The following RBFOX1 variants were observed in gnomAD, a reference collection of about 807,000 sequenced individuals.
RBFOX1 encodes the protein RNA binding fox-1 homolog 1.
Under a neutral mutation model 57.7 loss-of-function variants are expected in RBFOX1, and 8 were observed. That is an observed-to-expected ratio of 0.14 (90% CI 0.08 to 0.25). The LOEUF is 0.25. Among genes scored for constraint, RBFOX1 ranks in the 10% least tolerant of loss-of-function variants. The pLI is 1.00. For synonymous variants in RBFOX1, 326 were observed against 222.4 expected, an observed-to-expected ratio of 1.47 and a Z score of -4.15; for missense variants, 611 against 548.5, an observed-to-expected ratio of 1.11 and a Z score of -1.14.
At position 6,083,048 on chromosome 16, in the gene RBFOX1, C is replaced by G. The variant is rs145957674; in HGVS notation, c.-127+63056C>G. On this transcript the variant is annotated intron_variant, in intron 1 of 15. Coordinates refer to ENST00000550418, the MANE Select transcript of RBFOX1 (RefSeq NM_018723.4). Reference sequence around the variant, plus strand: ...ATGGAGTCTTGCTCTGTCACCCAGGCTGGAGTGCAGTGGCATGATCTCGGC... The same window carrying G: ...ATGGAGTCTTGCTCTGTCACCCAGGGTGGAGTGCAGTGGCATGATCTCGGC... Among the ~76,000 whole-genome samples, 1,011 of 152,162 alleles carry G rather than the reference C, an allele frequency of 6.6e-3. 31 individuals are homozygous for G. The highest frequency in any genetic ancestry group is 0.042 in the Admixed American group (640 of 15,264).
At chr16:7,467,285 C>G (rs1376898617) in intron 4 of RBFOX1, among the ~76,000 whole-genome samples, 2 of 152,168 alleles carry the variant, frequency 1.3e-5, no homozygotes, top group African/African-American at 4.8e-5. Context: ...TAAAGACAGA[C>G]AGCTGCTGGG....
Position 7,295,138 on chromosome 16 carries a change from A to G in RBFOX1, c.28-223009A>G, listed in dbSNP as rs1247789120. Among the ~76,000 whole-genome samples, 2 of 152,216 alleles carry G rather than the reference A, an allele frequency of 1.3e-5. 1 individual carries two copies. Among genetic ancestry groups the G allele is most frequent in the Non-Finnish European group, 2.9e-5 (2 of 68,050 alleles). On this transcript the variant is annotated intron_variant, in intron 4 of 15. Coordinates refer to ENST00000550418, the MANE Select transcript of RBFOX1 (RefSeq NM_018723.4). ...ATACAGTTGGTGAAGATTTTAGTTG[A>G]CAAGGGTTAATGTGTAAGCTGGCAT...
intron 2 of RBFOX1, among the ~76,000 whole-genome samples, chr16:5,513,850 G>C (rs769283598): frequency 1.3e-5 from 2 of 152,060 alleles, no homozygotes; most frequent in African/African-American, 2.4e-5. Context: ...TGTGACATAA[G>C]TGAGTGGTGC....
chr16:6,584,297 A>G (rs1223635414), intron 2 of RBFOX1, among the ~76,000 whole-genome samples: 4 of 150,924 alleles, frequency 2.7e-5, no homozygotes, highest in Non-Finnish European at 5.9e-5. Flanking sequence ...GTGAGTTAGG[A>G]ACTAGAAGAG....
intron 4 of RBFOX1, among the ~76,000 whole-genome samples, chr16:7,442,457 G>A (rs1012274381): frequency 6.6e-6 from 1 of 152,142 alleles, no homozygotes; most frequent in East Asian, 1.9e-4. Flanking sequence ...ATTATTAGAA[G>A]CCCTGTGTCT....
intron 1 of RBFOX1, among the ~76,000 whole-genome samples, chr16:5,382,205 T>C (rs903937335): frequency 1.1e-4 from 17 of 152,238 alleles, no homozygotes; most frequent in African/African-American, 3.9e-4. Flanking sequence ...GCTTCATCAG[T>C]AATTGACAAC....
rs1333864644 is a variant in RBFOX1, at chr16:6,557,090, TATACATATATAC to T, written c.-63-97497_-63-97486del. Among the ~76,000 whole-genome samples the T allele has an allele frequency of 4.0e-3, 586 of 146,846 alleles. 7 individuals carry two copies. Among genetic ancestry groups the T allele is most frequent in the African/African-American group, 0.013 (538 of 40,218 alleles). ...ATACATATATACATATATACATACA[TATACATATATAC>T]ATACATATATACATATATACATACA... is the stretch of plus-strand genomic sequence containing the variant. On this transcript the variant is annotated intron_variant, in intron 2 of 15. Transcript: ENST00000550418.
intron 3 of RBFOX1, among the ~76,000 whole-genome samples, chr16:5,704,648 G>A (rs897032488): frequency 1.3e-5 from 2 of 152,178 alleles, no homozygotes; most frequent in African/African-American, 4.8e-5. Context: ...TTGAGTGGAA[G>A]TAGCCAACTA....
intron 2 of RBFOX1, among the ~76,000 whole-genome samples, chr16:6,334,362 G>A (rs1014668799): frequency 1.3e-5 from 2 of 151,972 alleles, no homozygotes; most frequent in Non-Finnish European, 2.9e-5. Context: ...CAAAGAATTA[G>A]CCAGGCATGT....
At chr16:6,752,295 T>C (rs1355014688) in intron 3 of RBFOX1, among the ~76,000 whole-genome samples, 1 of 152,186 alleles carries the variant, frequency 6.6e-6, no homozygotes. Context: ...AATTTGGATG[T>C]ACTCCAGACC....
intron 2 of RBFOX1, among the ~76,000 whole-genome samples, chr16:6,333,634 A>G (rs1374495264): frequency 1.3e-5 from 2 of 152,180 alleles, no homozygotes; most frequent in Non-Finnish European, 1.5e-5. Flanking sequence ...TAAAAAATAT[A>G]TATATCAGAA....
chr16:6,571,031 C>T (rs2097337786), intron 2 of RBFOX1, among the ~76,000 whole-genome samples: 1 of 152,154 alleles, frequency 6.6e-6, no homozygotes, highest in South Asian at 2.1e-4. Flanking sequence ...GGAGAAGGTC[C>T]TACTGAGATG....
intron 1 of RBFOX1, among the ~76,000 whole-genome samples, chr16:6,227,385 C>G (rs1216154845): frequency 6.6e-6 from 1 of 152,158 alleles, no homozygotes; most frequent in Non-Finnish European, 1.5e-5. Flanking sequence ...TCTCTTGTGA[C>G]CATTCTCCAA....
intron 3 of RBFOX1, among the ~76,000 whole-genome samples, chr16:6,817,086 G>T (rs12925686): frequency 1.3e-5 from 2 of 151,828 alleles, no homozygotes; most frequent in Non-Finnish European, 2.9e-5. Flanking sequence ...AATTGGACTT[G>T]ACATCTAGGT....
At chr16:6,470,966 A>C (rs2095161001) in intron 2 of RBFOX1, among the ~76,000 whole-genome samples, 1 of 152,202 alleles carries the variant, frequency 6.6e-6, no homozygotes, top group Non-Finnish European at 1.5e-5. Flanking sequence ...ATAATCTTCC[A>C]GAGGCTCTTC....
At chr16:5,394,309 A>G (rs755238614) in intron 1 of RBFOX1, among the ~76,000 whole-genome samples, 1 of 152,166 alleles carries the variant, frequency 6.6e-6, no homozygotes, top group Non-Finnish European at 1.5e-5. Context: ...GGCATGAGAC[A>G]TTGCGCCCAG....
intron 2 of RBFOX1, among the ~76,000 whole-genome samples, chr16:6,590,428 G>A (rs34205864): frequency 1.3e-5 from 2 of 152,120 alleles, no homozygotes; most frequent in Non-Finnish European, 2.9e-5. Context: ...TGTGTGTGTA[G>A]GTGGTATAGA....
At chr16:5,714,992 G>A (rs1775245888) in intron 3 of RBFOX1, among the ~76,000 whole-genome samples, 1 of 152,214 alleles carries the variant, frequency 6.6e-6, no homozygotes, top group Non-Finnish European at 1.5e-5. Context: ...TAAACCCGAA[G>A]CAGATTAAAG....
At chr16:6,943,710 A>T (rs911285912) in intron 3 of RBFOX1, among the ~76,000 whole-genome samples, 3 of 107,712 alleles carry the variant, frequency 2.8e-5, no homozygotes, top group Non-Finnish European at 6.5e-5. Context: ...TCTGTCTTTA[A>T]AAAAAAAAAA....
Sources: allele counts gnomAD v4.1 joint callset (sites outside exome capture counted in the v4.1 genomes callset), GRCh38; gene constraint gnomAD v4.1.1; transcripts MANE v1.5; gene names NCBI Gene and HGNC (gene_info 2026-07-23, HGNC 2026-07-21).